CSMD1: variants seen among roughly 807,000 people sequenced by gnomAD.
The protein encoded by CSMD1 is CUB and sushi domain-containing protein 1.
CSMD1 carries 213 observed loss-of-function variants against 417.5 expected under a neutral mutation model. That is an observed-to-expected ratio of 0.51 (90% CI 0.46 to 0.57). The LOEUF (loss-of-function observed/expected upper bound fraction) is 0.57. CSMD1 is among the 20% of genes least tolerant of loss of function. The probability of loss-of-function intolerance (pLI) is 0.00; values close to 1 mark genes in which losing one functional copy is unlikely to be tolerated. For missense variants in CSMD1, 6,923 were observed against 4,529.7 expected (o/e 1.53, Z -15.17); for synonymous variants, 2,862 against 1,736.8 (o/e 1.65, Z -16.11).
chr8:4,972,136 G>A (rs1411886682), intron 1 of CSMD1, among the ~76,000 whole-genome samples: 1 of 152,074 alleles, frequency 6.6e-6, no homozygotes, highest in African/African-American at 2.4e-5. Flanking sequence ...GTTATACGCT[G>A]CCCCTGTAGG....
chr8:4,028,195 T>C (rs1007571817), intron 4 of CSMD1, among the ~76,000 whole-genome samples: 2 of 152,246 alleles, frequency 1.3e-5, no homozygotes, highest in African/African-American at 2.4e-5. Flanking sequence ...AGTCATCATA[T>C]GAATTTCTCT....
intron 2 of CSMD1, among the ~76,000 whole-genome samples, chr8:4,504,515 G>A (rs1024074068): frequency 2.6e-5 from 4 of 152,130 alleles, no homozygotes; most frequent in African/African-American, 9.7e-5. Context: ...TGCAGAACAT[G>A]CAGGTTCGTT....
chr8:4,550,348 C>G (rs1166314580), intron 2 of CSMD1, among the ~76,000 whole-genome samples: 2 of 151,630 alleles, frequency 1.3e-5, no homozygotes, highest in African/African-American at 2.4e-5. Flanking sequence ...CACACACACA[C>G]ACACACACAC....
chr8:4,275,822 G>T (rs1272492295), intron 3 of CSMD1, among the ~76,000 whole-genome samples: 3 of 152,164 alleles, frequency 2.0e-5, no homozygotes, highest in Admixed American at 1.3e-4. Context: ...CTATACTAAT[G>T]AAAGTGATAT....
intron 2 of CSMD1, among the ~76,000 whole-genome samples, chr8:4,601,151 C>T (rs571344809): frequency 6.6e-6 from 1 of 152,112 alleles, no homozygotes; most frequent in Non-Finnish European, 1.5e-5. Flanking sequence ...GATAGGGTTT[C>T]TCCATGTTGG....
intron 2 of CSMD1, among the ~76,000 whole-genome samples, chr8:4,579,351 CGTGT>C (rs777864977): frequency 6.6e-6 from 1 of 150,848 alleles, no homozygotes. Context: ...TATACACACA[CGTGT>C]GTGTGTGTGT....
intron 12 of CSMD1, among the ~76,000 whole-genome samples, chr8:3,461,231 G>C (rs1180962553): frequency 1.3e-5 from 2 of 152,066 alleles, no homozygotes; most frequent in Admixed American, 6.5e-5. Flanking sequence ...AAGATGCAAG[G>C]GCTACTGACC....
At chr8:3,940,339 A>C (rs1563233417) in intron 5 of CSMD1, among the ~76,000 whole-genome samples, 2 of 152,120 alleles carry the variant, frequency 1.3e-5, no homozygotes, top group Non-Finnish European at 2.9e-5. Context: ...TTTGTATTTC[A>C]GTATGTTAGC....
chr8:3,288,468 A>C (rs923004692), intron 25 of CSMD1, among the ~76,000 whole-genome samples: 5 of 146,912 alleles, frequency 3.4e-5, no homozygotes, highest in Non-Finnish European at 7.4e-5. Flanking sequence ...TTATTGCCTC[A>C]ATTTCAGACC....
intron 33 of CSMD1, among the ~76,000 whole-genome samples, chr8:3,198,346 T>C (rs954062148): frequency 6.6e-6 from 1 of 152,244 alleles, no homozygotes; most frequent in Non-Finnish European, 1.5e-5. Flanking sequence ...TCACATACTT[T>C]GGTCTAAACG....
At chr8:4,620,640 C>G (rs975468846) in intron 2 of CSMD1, among the ~76,000 whole-genome samples, 2 of 151,708 alleles carry the variant, frequency 1.3e-5, no homozygotes, top group African/African-American at 2.4e-5. Flanking sequence ...TGAAATCATA[C>G]AACATGCTTC....
At chr8:4,656,917 T>C (rs1359312900) in intron 1 of CSMD1, among the ~76,000 whole-genome samples, 3 of 152,014 alleles carry the variant, frequency 2.0e-5, no homozygotes, top group Non-Finnish European at 4.4e-5. Flanking sequence ...GGGGGCGGCC[T>C]GAAACACTGA....
rs113936795 is a variant in CSMD1, at chr8:4,399,324, T to G, written c.415+20629A>C. ...CTTCAATTCTACATGTGAAAACAAT[T>G]TAAACAATACACCATATAGTGAAGT... On this transcript the variant is annotated intron_variant, in intron 3 of 69. Transcript: ENST00000635120. Among the ~76,000 whole-genome samples, 314 of 152,336 alleles carry G rather than the reference T, an allele frequency of 2.1e-3. 1 individual carries two copies. Among genetic ancestry groups the G allele is most frequent in the African/African-American group, 7.3e-3 (302 of 41,574 alleles).
intron 1 of CSMD1, among the ~76,000 whole-genome samples, chr8:4,648,556 G>T (rs539772807): frequency 6.6e-6 from 1 of 152,162 alleles, no homozygotes; most frequent in East Asian, 1.9e-4. Context: ...TTATATTTGG[G>T]TTTAGTGTCT....
chr8:3,260,011 C>T (rs1203403076), intron 26 of CSMD1, among the ~76,000 whole-genome samples: 1 of 152,170 alleles, frequency 6.6e-6, no homozygotes, highest in Non-Finnish European at 1.5e-5. Flanking sequence ...AAAATAGCTA[C>T]TCTCTGACTC....
At chr8:3,827,434 T>C (rs374942080) in intron 5 of CSMD1, among the ~76,000 whole-genome samples, 4 of 152,212 alleles carry the variant, frequency 2.6e-5, no homozygotes, top group Non-Finnish European at 4.4e-5. Context: ...ACACATCTTA[T>C]TAAGCAAATA....
intron 3 of CSMD1, among the ~76,000 whole-genome samples, chr8:4,066,221 A>ACGC (rs1377891675): frequency 6.6e-6 from 1 of 152,178 alleles, no homozygotes; most frequent in Non-Finnish European, 1.5e-5. Flanking sequence ...GTCATGGGCA[A>ACGC]CGCCTCCTTC....
intron 2 of CSMD1, among the ~76,000 whole-genome samples, chr8:4,500,799 T>C (rs1802220840): frequency 6.6e-6 from 1 of 152,148 alleles, no homozygotes; most frequent in South Asian, 2.1e-4. Flanking sequence ...AAAGGAGGCA[T>C]GTTGACTTAC....
intron 42 of CSMD1, among the ~76,000 whole-genome samples, chr8:3,113,938 C>T (rs1036556410): frequency 1.3e-5 from 2 of 152,146 alleles, no homozygotes; most frequent in Admixed American, 1.3e-4. Flanking sequence ...TTAAAACAGG[C>T]TGGCTGTTAT....
Sources: gnomAD v4.1 joint callset for allele counts (sites outside exome capture counted in the v4.1 genomes callset) on GRCh38, gnomAD v4.1.1 for gene constraint, MANE v1.5 for transcripts, NCBI Gene and HGNC (gene_info 2026-07-23, HGNC 2026-07-21) for gene names.